Variants in VEZT observed in about 807,000 individuals in gnomAD.
VEZT encodes vezatin.
In VEZT, 39 loss-of-function variants were observed where a neutral mutation model predicts 79.9. The ratio of observed to expected loss-of-function variants is 0.49; its 90% CI spans 0.38 to 0.64. The LOEUF (loss-of-function observed/expected upper bound fraction) is 0.64, where lower values mean the gene tolerates loss of function less well. Ranked by LOEUF, VEZT falls within the 30% of genes least tolerant of loss-of-function variation. The probability of loss-of-function intolerance (pLI) is 0.00; values close to 1 mark genes in which losing one functional copy is unlikely to be tolerated. For synonymous variants in VEZT, 325 were observed against 327.6 expected (o/e 0.99, Z 0.09); for missense variants, 837 against 893.1 (o/e 0.94, Z 0.80).
chr12:95,289,256 A>C (rs1345087230), intron 9 of VEZT, among the ~76,000 whole-genome samples: 1 of 151,178 alleles, frequency 6.6e-6, no homozygotes, highest in Non-Finnish European at 1.5e-5. Context: ...TCTCTACTAA[A>C]AATACAAAAA....
intron 5 of VEZT, among the ~76,000 whole-genome samples, chr12:95,269,273 C>T (rs912715427): frequency 1.3e-5 from 2 of 152,150 alleles, no homozygotes; most frequent in South Asian, 2.1e-4. Context: ...GTCATTGTTA[C>T]AAATTAGGTA....
intron 1 of VEZT, among the ~76,000 whole-genome samples, chr12:95,226,205 G>A (rs1005576718): frequency 6.6e-6 from 1 of 151,892 alleles, no homozygotes; most frequent in African/African-American, 2.4e-5. Flanking sequence ...CACCTACTTG[G>A]GGAAACCCTG....
rs753196786 is a variant in VEZT, at chr12:95,300,228, T to A, written c.1895T>A (p.Met632Lys). The change falls in exon 12 of 12, where the codon ATG (methionine) becomes AAG (lysine). Residue 632 changes from methionine (M) to lysine (K), a missense_variant. Physicochemically the swap from Met to Lys is moderately conservative, Grantham distance 95. Coordinates refer to ENST00000436874, the MANE Select transcript of VEZT (RefSeq NM_017599.4). ...VEPISNSEPS[M>K]NSDMGKVSKN... ...CCCATAAGTAATTCAGAACCATCAA[T>A]GAATTCAGATATGGGAAAAGTCAGT... 5.8e-5 allele frequency: 90 copies of A among 1,565,068 alleles called. No homozygotes were observed. Among genetic ancestry groups the A allele is most frequent in the Non-Finnish European group, 1.4e-5 (16 of 1,154,592 alleles).
intron 1 of VEZT, among the ~76,000 whole-genome samples, chr12:95,244,607 A>G: frequency 6.8e-6 from 1 of 146,994 alleles, no homozygotes. Flanking sequence ...TTTTTTTCTG[A>G]GACAAGATCT....
intron 1 of VEZT, chr12:95,244,082 C>CTT (rs71078689): frequency 1.6e-4 from 44 of 271,956 alleles, no homozygotes; most frequent in South Asian, 2.4e-4. Flanking sequence ...ACTAAAAACT[C>CTT]TTTTTTTTTT....
intron 7 of VEZT, among the ~76,000 whole-genome samples, chr12:95,277,802 A>C (rs2068096511): frequency 6.6e-6 from 1 of 152,276 alleles, no homozygotes; most frequent in South Asian, 2.1e-4. Flanking sequence ...AGGGCTTGAC[A>C]TATAATGGGT....
rs1196838986 is a variant in VEZT at position 95,301,408 on chromosome 12, T to A, written c.*735T>A. 1 of 152,144 alleles carries A rather than the reference T, an allele frequency of 6.6e-6. No individual in the cohort carries two copies. The highest frequency in any genetic ancestry group is 1.5e-5 in the Non-Finnish European group (1 of 68,018). 9.4% of individuals were successfully genotyped at this position (152,144 alleles called of 1,614,324 possible). A position where few individuals can be genotyped will look rare whatever the true frequency, so the allele number is the denominator to read the frequency against. On this transcript the variant is annotated 3_prime_UTR_variant, in exon 12 of 12. Coordinates refer to ENST00000436874, the MANE Select transcript of VEZT (RefSeq NM_017599.4). ...GTACTCCAAGGCCCCACCCCCAATTTAGCAAGCAGAAAAACGTTCCTTGTA... is the reference window on the plus strand; with the variant it reads ...GTACTCCAAGGCCCCACCCCCAATTAAGCAAGCAGAAAAACGTTCCTTGTA...
At chr12:95,254,922 C>CT (rs1421535310) in intron 2 of VEZT, among the ~76,000 whole-genome samples, 1 of 152,042 alleles carries the variant, frequency 6.6e-6, no homozygotes, top group East Asian at 1.9e-4. Context: ...CATTCTGTCT[C>CT]TTTTTCTGGT....
chr12:95,249,295 A>T (rs940121909), intron 1 of VEZT, among the ~76,000 whole-genome samples: 4 of 152,134 alleles, frequency 2.6e-5, no homozygotes, highest in African/African-American at 9.7e-5. Flanking sequence ...TGCCTTAAAA[A>T]CAATGTTTTT....
intron 5 of VEZT, among the ~76,000 whole-genome samples, chr12:95,268,725 G>A (rs1166682472): frequency 1.3e-5 from 2 of 152,154 alleles, no homozygotes; most frequent in Non-Finnish European, 2.9e-5. Flanking sequence ...GATGACAGAC[G>A]AAGAGAAGTA....
intron 1 of VEZT, among the ~76,000 whole-genome samples, chr12:95,237,561 A>G (rs1484357634): frequency 3.3e-5 from 5 of 152,198 alleles, no homozygotes; most frequent in African/African-American, 9.7e-5. Context: ...GAGAAGATCA[A>G]GGGCCATTAC....
rs1183189239 is a variant in VEZT, at chr12:95,296,039, A to G, written c.1624-12A>G. On this transcript the variant is annotated splice_polypyrimidine_tract_variant and intron_variant, in intron 10 of 11. Coordinates refer to ENST00000436874, the MANE Select transcript of VEZT (RefSeq NM_017599.4). ...CTTCAAGTAAAGTGCTTTTTCTTCT[A>G]TTCATTTTCAGGAATTAGAAGCTTA... The G allele has an allele frequency of 1.3e-6, 2 of 1,515,796 alleles. No individual in the cohort carries two copies. Among genetic ancestry groups the G allele is most frequent in the South Asian group, 2.6e-5 (2 of 78,410 alleles). The allele number at this position is 1,515,796 out of a possible 1,614,324, so 93.9% of individuals were successfully genotyped here. A position where few individuals can be genotyped will look rare whatever the true frequency, so the allele number is the denominator to read the frequency against.
At chr12:95,296,283 G>C in intron 11 of VEZT, 25 bp downstream of exon 11, 1 of 1,540,444 alleles carries the variant, frequency 6.5e-7, no homozygotes. Flanking sequence ...TAAAGTAACA[G>C]GTTATTTCAA....
At chr12:95,237,168 A>G (rs1019213664) in intron 1 of VEZT, among the ~76,000 whole-genome samples, 2 of 152,182 alleles carry the variant, frequency 1.3e-5, no homozygotes, top group African/African-American at 4.8e-5. Context: ...CCAACTCAGA[A>G]AAATCCCTCT....
At chr12:95,252,204 C>T in intron 2 of VEZT, 133 bp downstream of exon 2, 2 of 938,480 alleles carry the variant, frequency 2.1e-6, no homozygotes, top group Admixed American at 3.8e-5. Flanking sequence ...TAGTACAAAA[C>T]TTTCTGTTAG....
chr12:95,254,712 G>A (rs1465786837), intron 2 of VEZT, among the ~76,000 whole-genome samples: 3 of 151,988 alleles, frequency 2.0e-5, no homozygotes, highest in African/African-American at 4.8e-5. Flanking sequence ...TCATTGTCAG[G>A]GAATGTATGT....
chr12:95,264,207 C>A (rs1232608488), intron 4 of VEZT, among the ~76,000 whole-genome samples: 2 of 150,124 alleles, frequency 1.3e-5, no homozygotes, highest in Admixed American at 1.3e-4. Flanking sequence ...AGCTTCTTAT[C>A]CTTCAAAAAT....
chr12:95,278,911 A>G (rs2068381542), intron 7 of VEZT, among the ~76,000 whole-genome samples: 1 of 152,188 alleles, frequency 6.6e-6, no homozygotes, highest in African/African-American at 2.4e-5. Context: ...TCTACTAAAA[A>G]TACAAAAAAT....
At chr12:95,255,977 C>T (rs923381342) in intron 2 of VEZT, among the ~76,000 whole-genome samples, 1 of 152,100 alleles carries the variant, frequency 6.6e-6, no homozygotes, top group Admixed American at 6.6e-5. Flanking sequence ...CATAACTGTC[C>T]TGGAGTGCGC....
Sources: allele counts gnomAD v4.1 joint callset (sites outside exome capture counted in the v4.1 genomes callset), GRCh38; gene constraint gnomAD v4.1.1; transcripts MANE v1.5; gene names NCBI Gene and HGNC (gene_info 2026-07-23, HGNC 2026-07-21).